Variants in INPP4B observed in about 807,000 individuals in gnomAD.
The protein encoded by INPP4B is inositol polyphosphate 4-phosphatase type II.
A neutral mutation model predicts 122.5 loss-of-function variants in INPP4B; 55 were observed. The observed-to-expected ratio is 0.45, with a 90% confidence interval of 0.36 to 0.56. INPP4B has a LOEUF of 0.56. INPP4B is among the 20% of genes least tolerant of loss of function. INPP4B has a pLI of 0.00. For synonymous variants in INPP4B, 403 were observed against 388.7 expected, an observed-to-expected ratio of 1.04 and a Z score of -0.43; for missense variants, 1,000 against 1,097.7, an observed-to-expected ratio of 0.91 and a Z score of 1.26.
intron 4 of INPP4B, 127 bp downstream of exon 4, chr4:142,431,042 A>G: frequency 3.0e-6 from 2 of 659,268 alleles, no homozygotes; most frequent in South Asian, 3.9e-5. Flanking sequence ...ATACTTTGGT[A>G]ATTTCATGCC....
intron 2 of INPP4B, among the ~76,000 whole-genome samples, chr4:142,627,840 C>T (rs1746857526): frequency 6.6e-6 from 1 of 151,934 alleles, no homozygotes; most frequent in South Asian, 2.1e-4. Flanking sequence ...CCAGTTCCTC[C>T]TTGTACCTCT....
intron 2 of INPP4B, among the ~76,000 whole-genome samples, chr4:142,564,242 G>A (rs1731094934): frequency 6.6e-6 from 1 of 152,098 alleles, no homozygotes; most frequent in African/African-American, 2.4e-5. Flanking sequence ...AGTTTACCTG[G>A]GGAAGCCAGG....
chr4:142,213,740 C>T (rs1386682451), intron 12 of INPP4B, among the ~76,000 whole-genome samples: 1 of 152,154 alleles, frequency 6.6e-6, no homozygotes, highest in African/African-American at 2.4e-5. Flanking sequence ...CTCAGGTTAC[C>T]TCCTTCTCTA....
intron 17 of INPP4B, 120 bp from the exon 18 acceptor site, chr4:142,146,116 G>T: frequency 1.9e-6 from 2 of 1,068,762 alleles, no homozygotes; most frequent in Non-Finnish European, 2.7e-6. Context: ...AGATTGAGTA[G>T]CTCTAAATTC....
chr4:142,042,760 A>G (rs1214321871), intron 25 of INPP4B, among the ~76,000 whole-genome samples: 2 of 151,984 alleles, frequency 1.3e-5, no homozygotes, highest in East Asian at 3.9e-4. Flanking sequence ...ATGAGGTTTT[A>G]CCATGTTGGT....
chr4:142,063,500 C>T (rs1762031655), intron 25 of INPP4B, among the ~76,000 whole-genome samples: 3 of 152,066 alleles, frequency 2.0e-5, no homozygotes, highest in Admixed American at 6.6e-5. Flanking sequence ...TGAAATTTTG[C>T]TTCCATTTCA....
chr4:142,201,465 A>G (rs1254750354), intron 14 of INPP4B, among the ~76,000 whole-genome samples: 1 of 152,028 alleles, frequency 6.6e-6, no homozygotes, highest in African/African-American at 2.4e-5. Flanking sequence ...CAATATCTCA[A>G]TGTGAAACAG....
chr4:142,082,601 G>A (rs987272956), intron 24 of INPP4B, among the ~76,000 whole-genome samples: 1 of 152,126 alleles, frequency 6.6e-6, no homozygotes, highest in Admixed American at 6.6e-5. Flanking sequence ...TCAAACAATT[G>A]ATTCAAATCG....
intron 17 of INPP4B, among the ~76,000 whole-genome samples, chr4:142,152,806 T>A (rs968490335): frequency 2.9e-4 from 44 of 152,298 alleles, no homozygotes; most frequent in African/African-American, 9.6e-4. Context: ...CCTTAGAATA[T>A]CTTTCAATAC....
chr4:142,171,477 C>G (rs1389604822), intron 16 of INPP4B, among the ~76,000 whole-genome samples: 1 of 151,784 alleles, frequency 6.6e-6, no homozygotes, highest in Non-Finnish European at 1.5e-5. Flanking sequence ...AAAAACAGAA[C>G]TTTTAAAGCT....
chr4:142,307,800 A>G (rs1196357298), intron 8 of INPP4B, among the ~76,000 whole-genome samples: 2 of 152,160 alleles, frequency 1.3e-5, no homozygotes, highest in East Asian at 3.8e-4. Flanking sequence ...ATTTTATGAA[A>G]CTCCAAAATT....
At chr4:142,127,619 T>C (rs972414115) in intron 18 of INPP4B, among the ~76,000 whole-genome samples, 13 of 152,188 alleles carry the variant, frequency 8.5e-5, no homozygotes, top group African/African-American at 3.1e-4. Flanking sequence ...TTTTGCATAA[T>C]TATATATACT....
At chr4:142,236,020 T>G (rs1219678754) in intron 12 of INPP4B, among the ~76,000 whole-genome samples, 3 of 152,222 alleles carry the variant, frequency 2.0e-5, no homozygotes, top group Non-Finnish European at 2.9e-5. Context: ...TCCAGAGCCA[T>G]TTAAAGGGTA....
chr4:142,663,133 G>T (rs963070316), intron 2 of INPP4B, among the ~76,000 whole-genome samples: 4 of 152,198 alleles, frequency 2.6e-5, no homozygotes, highest in Admixed American at 6.5e-5. Flanking sequence ...GAAAGTGAGA[G>T]AAAGGTATGA....
intron 16 of INPP4B, among the ~76,000 whole-genome samples, chr4:142,170,791 T>G (rs773978746): frequency 9.2e-5 from 14 of 151,768 alleles, no homozygotes; most frequent in Non-Finnish European, 1.5e-4. Flanking sequence ...TTTATTCCAT[T>G]TTTCTACCTT....
chr4:142,746,385 A>T (rs1768754789), intron 1 of INPP4B, among the ~76,000 whole-genome samples: 1 of 152,116 alleles, frequency 6.6e-6, no homozygotes, highest in South Asian at 2.1e-4. Flanking sequence ...ACACAAACAA[A>T]TGGAAAAACA....
chr4:142,796,680 T>C (rs1025498740), intron 1 of INPP4B, among the ~76,000 whole-genome samples: 3 of 151,954 alleles, frequency 2.0e-5, no homozygotes, highest in African/African-American at 7.2e-5. Context: ...TTTAAATAAT[T>C]GCTGCAGAAA....
At chr4:142,180,670 A>C (rs990008883) in intron 15 of INPP4B, among the ~76,000 whole-genome samples, 1 of 152,188 alleles carries the variant, frequency 6.6e-6, no homozygotes, top group East Asian at 1.9e-4. Flanking sequence ...ACCAGGTTCA[A>C]ACCCGGGTTT....
At chr4:142,112,183 A>G (rs1192793019) in intron 22 of INPP4B, among the ~76,000 whole-genome samples, 2 of 152,220 alleles carry the variant, frequency 1.3e-5, no homozygotes, top group Non-Finnish European at 2.9e-5. Flanking sequence ...TCTGTTTTAG[A>G]TTTAAAAACT....
Sources: allele counts gnomAD v4.1 joint callset (sites outside exome capture counted in the v4.1 genomes callset), GRCh38; gene constraint gnomAD v4.1.1; transcripts MANE v1.5; gene names NCBI Gene and HGNC (gene_info 2026-07-23, HGNC 2026-07-21).